Variants in MRGPRF observed in about 807,000 individuals in gnomAD.
The protein encoded by MRGPRF is MAS related GPR family member F, also known as mas-related G protein-coupled receptor member F.
A neutral mutation model predicts 3.3 loss-of-function variants in MRGPRF; 2 were observed. The ratio of observed to expected loss-of-function variants is 0.61; its 90% confidence interval spans 0.25 to 1.92. The LOEUF (loss-of-function observed/expected upper bound fraction) is 1.92. MRGPRF is among the 40% of genes most tolerant of loss of function. MRGPRF has a pLI of 0.16. For synonymous variants in MRGPRF, 242 were observed against 222.7 expected, an observed-to-expected ratio of 1.09 and a Z score of -0.77; for missense variants, 500 against 476.0, an observed-to-expected ratio of 1.05 and a Z score of -0.47.
chr11:69,010,078 C>A (rs2154012855), intron 1 of MRGPRF, 121 bp from the exon 2 acceptor site: 6 of 629,500 alleles, frequency 9.5e-6, no homozygotes, highest in Non-Finnish European at 1.6e-5. Context: ...GAAAGGCAAT[C>A]ACCCCACACC....
chr11:69,009,675 G>A (rs748006591), intron 2 of MRGPRF, 179 bp downstream of exon 2: 2 of 736,018 alleles, frequency 2.7e-6, no homozygotes, highest in South Asian at 1.5e-5. Context: ...GAGGGTAGGA[G>A]GGTCCAGGGA....
In MRGPRF at chr11:69,009,924, C is replaced by A. The variant is rs770249820; in HGVS notation, c.-23G>T. 3.1e-6 allele frequency: 5 copies of A among 1,595,102 alleles called. No individual in the cohort carries two copies. The highest frequency in any genetic ancestry group is 1.7e-5 in the Admixed American group (1 of 59,182). ...CATCTCCAGGCCTGGCGCGTCTGGG[C>A]CCCTGCTGGCAGCTCACCAGTCTGC... On this transcript the variant is annotated 5_prime_UTR_variant, in exon 2 of 3. Coordinates refer to ENST00000309099, the MANE Select transcript of MRGPRF (RefSeq NM_145015.5).
At chr11:69,011,095 T>G (rs1296299811) in intron 1 of MRGPRF, among the ~76,000 whole-genome samples, 1 of 151,944 alleles carries the variant, frequency 6.6e-6, no homozygotes, top group Non-Finnish European at 1.5e-5. Context: ...GGAAATTCTT[T>G]CCTCTGCGCC....
intron 2 of MRGPRF, 132 bp from the exon 3 acceptor site, chr11:69,006,393 AG>A (rs1860492218): frequency 8.7e-7 from 1 of 1,155,100 alleles, no homozygotes; most frequent in African/African-American, 1.5e-5. Context: ...TCTGTAAGGC[AG>A]TGGCTGTGGA....
chr11:69,006,244 G>A lies in MRGPRF; in HGVS notation c.66C>T (p.Ser22=), dbSNP rs376550077. Residue 22 remains serine (S), a synonymous_variant, in exon 3 of 3, where the codon AGC becomes AGT. Coordinates refer to ENST00000309099, the MANE Select transcript of MRGPRF (RefSeq NM_145015.5). ...GNRNKMCPGL[S]EAPELYSRGF... is the part of the protein sequence containing the mutation. ...CCCGGCTGTAGAGTTCCGGGGCCTC[G>A]CTCAGGCCAGGGCACATCTGCGCAG... The A allele has an allele frequency of 9.3e-5, 150 of 1,611,132 alleles. No individual in the cohort carries two copies. Among genetic ancestry groups the A allele is most frequent in the Non-Finnish European group, 1.2e-4 (143 of 1,179,734 alleles).
intron 1 of MRGPRF, among the ~76,000 whole-genome samples, chr11:69,010,693 G>A (rs747931273): frequency 6.6e-6 from 1 of 152,144 alleles, no homozygotes; most frequent in Admixed American, 6.5e-5. Context: ...TTTGTGTTTC[G>A]AGCAGCTGCC....
Position 69,005,362 on chromosome 11 carries a change from G to C in MRGPRF, c.948C>G (p.Asp316Glu), listed in dbSNP as rs371144082. The C allele has an allele frequency of 1.1e-5, 17 of 1,568,914 alleles. No individual in the cohort carries two copies. In the South Asian group the frequency reaches 1.4e-4, roughly 13 times the overall value. ...CCCCGGCCTCCCCCAGCTCAGCGCC[G>C]TCCCGCAGGGCCCGCTGGAAGACCA... ...LRVVFQRALR[D>E]GAELGEAGGS... The change falls in exon 3 of 3, where the codon GAC (aspartate) becomes GAG (glutamate). Residue 316 changes from aspartate (D) to glutamate (E), a missense_variant. Coordinates refer to ENST00000309099, the MANE Select transcript of MRGPRF (RefSeq NM_145015.5).
At position 69,005,571 on chromosome 11, in the gene MRGPRF, CG is replaced by C; in HGVS notation, c.738del (p.Val247SerfsTer9). 6.3e-7 allele frequency: 1 copy of C among 1,585,190 alleles called. No homozygotes were observed. The highest frequency in any genetic ancestry group is 1.2e-5 in the South Asian group (1 of 86,666). On this transcript the variant is annotated frameshift_variant, in exon 3 of 3. Coordinates refer to ENST00000309099, the MANE Select transcript of MRGPRF (RefSeq NM_145015.5). LOFTEE classifies it high-confidence loss of function. ...KLNHVILAMVSVFLVSSIYLG... is the reference protein window; with the variant it reads ...KLNHVILAMVXVFLVSSIYLG... ...AAGTAGATGGAGGACACCAGGAAGA[CG>C]GAGACCATGGCCAGGATGACGTGGT...
Position 69,006,185 on chromosome 11 carries a change from G to C in MRGPRF, c.125C>G (p.Pro42Arg), listed in dbSNP as rs1342393360. ...GATGTAGTTCATGACGGCCGGAGGC[G>C]GCAGCATCGCGATCTGCTCGATGGT... is the stretch of plus-strand genomic sequence containing the variant. ...FLTIEQIAMLPPPAVMNYIFL... is the reference protein window; with the variant it reads ...FLTIEQIAMLRPPAVMNYIFL... Residue 42 changes from proline (P) to arginine (R), a missense_variant, in exon 3 of 3, where the codon CCG (proline) becomes CGG (arginine). Pro to Arg is a moderately radical substitution (Grantham distance 103). Coordinates refer to ENST00000309099, the MANE Select transcript of MRGPRF (RefSeq NM_145015.5). 3 of 1,613,876 alleles carry C rather than the reference G, an allele frequency of 1.9e-6. No individual in the cohort carries two copies. Among genetic ancestry groups the C allele is most frequent in the Non-Finnish European group, 1.7e-6 (2 of 1,180,028 alleles).
At chr11:69,009,267 T>G (rs1860546294) in intron 2 of MRGPRF, 1 of 266,288 alleles carries the variant, frequency 3.8e-6, no homozygotes, top group African/African-American at 2.2e-5. Context: ...ATTCAAGAGA[T>G]CCTTCGAAGT....
At chr11:69,006,379 G>A (rs1209667304) in intron 2 of MRGPRF, 118 bp from the exon 3 acceptor site, 5 of 1,256,670 alleles carry the variant, frequency 4.0e-6, no homozygotes, top group Non-Finnish European at 5.4e-6. Context: ...GGGCAGGGAG[G>A]GGGTCTGTAA....
chr11:69,005,126 TG>T lies in MRGPRF; in HGVS notation c.*151del. ...GGCTGCCCAGTCTCCCAGCCACCCC[TG>T]GAGTCCCCAGCCCAGGGAGAAGGAG... On this transcript the variant is annotated 3_prime_UTR_variant, in exon 3 of 3. Coordinates refer to ENST00000309099, the MANE Select transcript of MRGPRF (RefSeq NM_145015.5). 9.7e-7 allele frequency: 1 copy of T among 1,030,566 alleles called. No homozygotes were observed. Among genetic ancestry groups the T allele is most frequent in the Non-Finnish European group, 1.4e-6 (1 of 739,656 alleles). The allele number at this position is 1,030,566 out of a possible 1,614,324, so 63.8% of individuals were successfully genotyped here. A position where few individuals can be genotyped will look rare whatever the true frequency, so the allele number is the denominator to read the frequency against.
rs748457423 is a variant in MRGPRF at position 69,006,151 on chromosome 11, G to T, written c.159C>A (p.Leu53=). The T allele has an allele frequency of 6.2e-7, 1 of 1,614,118 alleles. No individual in the cohort carries two copies. Among genetic ancestry groups the T allele is most frequent in the South Asian group, 1.1e-5 (1 of 91,078 alleles). Residue 53 remains leucine (L), a synonymous_variant, in exon 3 of 3, where the codon CTC becomes CTA. Coordinates refer to ENST00000309099, the MANE Select transcript of MRGPRF (RefSeq NM_145015.5). ...TGCCCACCAGGCCACACAGGCAGAG[G>T]AGCAGGAAGATGTAGTTCATGACGG... ...PPAVMNYIFL[L]LCLCGLVGNG...
chr11:69,005,548 G>A lies in MRGPRF; in HGVS notation c.762C>T (p.Tyr254=), dbSNP rs1381652230. 6.3e-7 allele frequency: 1 copy of A among 1,584,848 alleles called. No homozygotes were observed. The stretch of plus-strand genomic sequence containing the variant: ...AGAAGAGGAACCAGTCGATCCCTAA[G>A]TAGATGGAGGACACCAGGAAGACGG... ...MVSVFLVSSI[Y]LGIDWFLFWV... The change falls in exon 3 of 3, where the codon TAC becomes TAT. Residue 254 remains tyrosine (Y), a synonymous_variant. Coordinates refer to ENST00000309099, the MANE Select transcript of MRGPRF (RefSeq NM_145015.5).
At chr11:69,009,490 G>A in intron 2 of MRGPRF, 1 of 579,856 alleles carries the variant, frequency 1.7e-6, no homozygotes, top group East Asian at 2.9e-5. Context: ...CCACCTTGGA[G>A]TCAGCGTCCC....
Position 69,005,265 on chromosome 11 carries a change from A to G in MRGPRF, c.*13T>C, listed in dbSNP as rs758498851. On this transcript the variant is annotated 3_prime_UTR_variant, in exon 3 of 3. Transcript: ENST00000309099. ...GCCGCTTCCTGCCCCTGCCTCCTCC[A>G]GGCGCTGGAGTCTCAGGAGGCGTTC... is the stretch of plus-strand genomic sequence containing the variant. The G allele has an allele frequency of 1.4e-6, 2 of 1,469,912 alleles. No homozygotes were observed. Among genetic ancestry groups the G allele is most frequent in the East Asian group, 4.9e-5 (2 of 40,638 alleles). The allele number at this position is 1,469,912 out of a possible 1,614,324, so 91.1% of individuals were successfully genotyped here. A position where few individuals can be genotyped will look rare whatever the true frequency, so the allele number is the denominator to read the frequency against.
Position 69,006,235 on chromosome 11 carries a change from C to T in MRGPRF, c.75G>A (p.Pro25=), listed in dbSNP as rs765587639. ...NKMCPGLSEA[P]ELYSRGFLTI... is the part of the protein sequence containing the mutation. ...TCAGGAAGCCCCGGCTGTAGAGTTC[C>T]GGGGCCTCGCTCAGGCCAGGGCACA... The change falls in exon 3 of 3, where the codon CCG becomes CCA. Residue 25 remains proline (P), a synonymous_variant. Transcript: ENST00000309099. 6 of 1,612,468 alleles carry T rather than the reference C, an allele frequency of 3.7e-6. No homozygotes were observed. The highest frequency in any genetic ancestry group is 1.3e-5 in the African/African-American group (1 of 75,014).
rs201868258 is a variant in MRGPRF at position 69,005,849 on chromosome 11, C to G, written c.461G>C (p.Arg154Pro). ...CACGGCCGACAGGCGCTTGGGCCGC[C>G]GGCGCCAGTACCAGGCGGGGAAGAT... Reference protein sequence around the residue: ...SVIFPAWYWRRRPKRLSAVVC... With the variant: ...SVIFPAWYWRPRPKRLSAVVC... The change falls in exon 3 of 3, where the codon CGG becomes CCG. Residue 154 changes from arginine to proline, a missense_variant. By Grantham distance (103) the Arg-to-Pro change is moderately radical (BLOSUM62 -2). Coordinates refer to ENST00000309099, the MANE Select transcript of MRGPRF (RefSeq NM_145015.5). 2.6e-3 allele frequency: 4,034 copies of G among 1,541,874 alleles called. 10 individuals carry two copies. The highest frequency in any genetic ancestry group is 3.3e-3 in the Non-Finnish European group (3,793 of 1,145,766).
Position 69,009,851 on chromosome 11 carries a change from T to C in MRGPRF, c.48+3A>G, listed in dbSNP as rs752310940. On this transcript the variant is annotated splice_donor_region_variant and intron_variant, in intron 2 of 2. Coordinates refer to ENST00000309099, the MANE Select transcript of MRGPRF (RefSeq NM_145015.5). ...ACCAGGGCCCTCCGCCTGTGGCACT[T>C]ACCTTGTTCCTGTTGCCGGGATGGG... 3 of 1,610,104 alleles carry C rather than the reference T, an allele frequency of 1.9e-6. No homozygotes were observed. In the East Asian group the frequency reaches 6.7e-5, roughly 36 times the overall value.
Sources: allele counts gnomAD v4.1 joint callset (sites outside exome capture counted in the v4.1 genomes callset), GRCh38; gene constraint gnomAD v4.1.1; transcripts MANE v1.5; gene names NCBI Gene and HGNC (gene_info 2026-07-23, HGNC 2026-07-21).